The following SH3RF1 variants were observed in gnomAD, a reference collection of about 807,000 sequenced individuals.
SH3RF1 encodes SH3 domain containing ring finger 1, also known as E3 ubiquitin-protein ligase SH3RF1.
Under a neutral mutation model 74.0 loss-of-function variants are expected in SH3RF1, and 32 were observed. The ratio of observed to expected loss-of-function variants is 0.43; its 90% CI spans 0.33 to 0.58. The LOEUF is 0.58. Ranked by LOEUF, SH3RF1 falls within the 20% of genes least tolerant of loss-of-function variation. The pLI, the probability that SH3RF1 is intolerant of heterozygous loss-of-function variation, is 0.05. For missense variants in SH3RF1, 954 were observed against 1,130.9 expected, an observed-to-expected ratio of 0.84 and a Z score of 2.24; for synonymous variants, 396 against 439.6, an observed-to-expected ratio of 0.90 and a Z score of 1.24.
intron 4 of SH3RF1, among the ~76,000 whole-genome samples, chr4:169,143,748 C>T (rs1453452021): frequency 1.3e-5 from 2 of 152,186 alleles, no homozygotes; most frequent in Admixed American, 6.5e-5. Context: ...AACTACCTGG[C>T]TGCACTAGGT....
intron 2 of SH3RF1, among the ~76,000 whole-genome samples, chr4:169,245,860 C>T (rs1309833605): frequency 2.6e-5 from 4 of 152,214 alleles, no homozygotes; most frequent in Admixed American, 2.6e-4. Context: ...AGACCACCTT[C>T]AATAGATTCT....
intron 2 of SH3RF1, among the ~76,000 whole-genome samples, chr4:169,244,434 A>G (rs2110738001): frequency 6.6e-6 from 1 of 152,094 alleles, no homozygotes; most frequent in East Asian, 1.9e-4. Flanking sequence ...AAGCCACTGC[A>G]CAGATGATCT....
chr4:169,116,695 A>G, intron 9 of SH3RF1, 65 bp from the exon 10 acceptor site: 1 of 1,486,934 alleles, frequency 6.7e-7, no homozygotes, highest in Non-Finnish European at 8.9e-7. Context: ...TCACCAAAAC[A>G]TGAGTCATTT....
chr4:169,184,418 T>C (rs1378651246), intron 2 of SH3RF1, among the ~76,000 whole-genome samples: 1 of 152,212 alleles, frequency 6.6e-6, no homozygotes, highest in Non-Finnish European at 1.5e-5. Context: ...GTAACCAACA[T>C]GGGCTGTGAA....
intron 2 of SH3RF1, among the ~76,000 whole-genome samples, chr4:169,174,584 T>C (rs1445206452): frequency 1.3e-5 from 2 of 152,178 alleles, no homozygotes; most frequent in Non-Finnish European, 1.5e-5. Context: ...TCTTTCTCAA[T>C]TGCTCCATCT....
At chr4:169,150,566 T>C (rs536973492) in intron 4 of SH3RF1, among the ~76,000 whole-genome samples, 2 of 152,304 alleles carry the variant, frequency 1.3e-5, no homozygotes, top group African/African-American at 2.4e-5. Context: ...AGTCACCCTA[T>C]AGAACTCTTG....
intron 2 of SH3RF1, among the ~76,000 whole-genome samples, chr4:169,190,418 A>T (rs1734681395): frequency 6.6e-6 from 1 of 152,138 alleles, no homozygotes. Context: ...GAAATACAAA[A>T]GATCATTCGA....
intron 8 of SH3RF1, among the ~76,000 whole-genome samples, chr4:169,117,988 C>A (rs969275483): frequency 1.3e-5 from 2 of 152,132 alleles, no homozygotes; most frequent in African/African-American, 2.4e-5. Context: ...TTCTGAGTCA[C>A]CAGAAACCAC....
At chr4:169,248,134 GTGGA>G (rs1561064005) in intron 2 of SH3RF1, among the ~76,000 whole-genome samples, 3 of 152,130 alleles carry the variant, frequency 2.0e-5, no homozygotes, top group Admixed American at 1.3e-4. Context: ...AATCCCATTG[GTGGA>G]TATATACCCA....
At chr4:169,149,668 T>C (rs1459977814) in intron 4 of SH3RF1, among the ~76,000 whole-genome samples, 1 of 152,188 alleles carries the variant, frequency 6.6e-6, no homozygotes, top group African/African-American at 2.4e-5. Context: ...CTTCCCAACT[T>C]ACCCACAATC....
At chr4:169,210,434 A>G (rs779560184) in intron 2 of SH3RF1, among the ~76,000 whole-genome samples, 11 of 152,228 alleles carry the variant, frequency 7.2e-5, no homozygotes, top group Non-Finnish European at 1.6e-4. Context: ...AGTAAATGCT[A>G]ATTCTATAAA....
chr4:169,215,411 CT>C (rs1730446568), intron 2 of SH3RF1, among the ~76,000 whole-genome samples: 1 of 152,108 alleles, frequency 6.6e-6, no homozygotes, highest in African/African-American at 2.4e-5. Context: ...AGTTCCTTTT[CT>C]TGTAATGTCT....
intron 2 of SH3RF1, among the ~76,000 whole-genome samples, chr4:169,189,357 T>C (rs1267785186): frequency 1.3e-5 from 2 of 152,256 alleles, no homozygotes; most frequent in Non-Finnish European, 2.9e-5. Flanking sequence ...TGGTATTCTA[T>C]TTTGACCAGT....
intron 2 of SH3RF1, among the ~76,000 whole-genome samples, chr4:169,242,192 A>C (rs1396386989): frequency 1.3e-5 from 2 of 152,118 alleles, no homozygotes; most frequent in African/African-American, 4.8e-5. Context: ...CCCAAAGGAG[A>C]AATACTCTGC....
chr4:169,177,111 C>T (rs560592389), intron 2 of SH3RF1, among the ~76,000 whole-genome samples: 1 of 152,136 alleles, frequency 6.6e-6, no homozygotes, highest in Non-Finnish European at 1.5e-5. Flanking sequence ...CTGTTGGTTA[C>T]TTATATTTGA....
At chr4:169,247,155 G>A (rs904573908) in intron 2 of SH3RF1, among the ~76,000 whole-genome samples, 1 of 152,202 alleles carries the variant, frequency 6.6e-6, no homozygotes, top group Non-Finnish European at 1.5e-5. Flanking sequence ...TTCAGACACT[G>A]AAACTGGAGA....
chr4:169,182,329 A>C (rs1371832289), intron 2 of SH3RF1, among the ~76,000 whole-genome samples: 1 of 152,258 alleles, frequency 6.6e-6, no homozygotes, highest in Non-Finnish European at 1.5e-5. Flanking sequence ...AGGGTGACCC[A>C]AAAATCACTG....
In SH3RF1 at chr4:169,258,040, T is replaced by C. The variant is rs373076612; in HGVS notation, c.393+10780A>G. ...GCCAATCTGAGTTTGTCCTAAATGTTTGATATCAAAGTTGGCTTTTGCTAC... is the reference window on the plus strand; with the variant it reads ...GCCAATCTGAGTTTGTCCTAAATGTCTGATATCAAAGTTGGCTTTTGCTAC... On this transcript the variant is annotated intron_variant, in intron 2 of 11. Transcript: ENST00000284637. Among the ~76,000 whole-genome samples the C allele has an allele frequency of 5.9e-5, 9 of 152,336 alleles. No homozygotes were observed. In the East Asian group the frequency reaches 7.7e-4, roughly 13 times the overall value.
At chr4:169,163,290 A>G (rs1382561543) in intron 2 of SH3RF1, among the ~76,000 whole-genome samples, 1 of 152,122 alleles carries the variant, frequency 6.6e-6, no homozygotes, top group Non-Finnish European at 1.5e-5. Flanking sequence ...AAAAAATGCT[A>G]TTAGACTCTT....
Sources: gnomAD v4.1 joint callset for allele counts (sites outside exome capture counted in the v4.1 genomes callset) on GRCh38, gnomAD v4.1.1 for gene constraint, MANE v1.5 for transcripts, NCBI Gene and HGNC (gene_info 2026-07-23, HGNC 2026-07-21) for gene names.